DOK6: variants seen among roughly 807,000 people sequenced by gnomAD.
The protein encoded by DOK6 is docking protein 6.
Under a neutral mutation model 44.0 loss-of-function variants are expected in DOK6, and 22 were observed. The ratio of observed to expected loss-of-function variants is 0.50; its 90% CI spans 0.36 to 0.71. The LOEUF (loss-of-function observed/expected upper bound fraction) is 0.71. DOK6 is among the 30% of genes least tolerant of loss of function. The probability of loss-of-function intolerance (pLI) is 0.00; values close to 1 mark genes in which losing one functional copy is unlikely to be tolerated. For missense variants in DOK6, 340 were observed against 416.4 expected, an observed-to-expected ratio of 0.82 and a Z score of 1.60; for synonymous variants, 166 against 145.5, an observed-to-expected ratio of 1.14 and a Z score of -1.01.
chr18:69,404,323 C>G (rs191570810), intron 1 of DOK6, among the ~76,000 whole-genome samples: 97 of 152,274 alleles, frequency 6.4e-4, no homozygotes, highest in African/African-American at 2.3e-3. Context: ...AGCTAGCAAC[C>G]TGTTGAGTAC....
intron 3 of DOK6, among the ~76,000 whole-genome samples, chr18:69,672,516 G>T (rs1568329324): frequency 6.6e-6 from 1 of 152,136 alleles, no homozygotes; most frequent in South Asian, 2.1e-4. Flanking sequence ...GCAGCACCGC[G>T]CCCGGCTAAT....
chr18:69,816,404 C>T (rs1344331317), intron 7 of DOK6, among the ~76,000 whole-genome samples: 1 of 152,196 alleles, frequency 6.6e-6, no homozygotes, highest in Non-Finnish European at 1.5e-5. Flanking sequence ...GACCACACAT[C>T]TCATTATACA....
intron 7 of DOK6, among the ~76,000 whole-genome samples, chr18:69,775,624 GAA>G (rs1164854768): frequency 6.7e-6 from 1 of 149,238 alleles, no homozygotes; most frequent in Non-Finnish European, 1.5e-5. Flanking sequence ...AATATAGAAA[GAA>G]AAAAGAGTAA....
At chr18:69,519,166 C>A (rs1383083459) in intron 1 of DOK6, among the ~76,000 whole-genome samples, 1 of 151,962 alleles carries the variant, frequency 6.6e-6, no homozygotes, top group Non-Finnish European at 1.5e-5. Context: ...TTGTATTGAG[C>A]ACCAGAGACA....
chr18:69,406,271 C>G (rs534865023), intron 1 of DOK6, among the ~76,000 whole-genome samples: 188 of 152,290 alleles, frequency 1.2e-3, no homozygotes, highest in African/African-American at 4.1e-3. Flanking sequence ...TGTATGACAT[C>G]TGATGTATGC....
intron 1 of DOK6, among the ~76,000 whole-genome samples, chr18:69,408,273 A>G (rs1224233787): frequency 6.6e-6 from 1 of 152,220 alleles, no homozygotes; most frequent in African/African-American, 2.4e-5. Context: ...ACAATCATTC[A>G]CTGTACTCAA....
intron 3 of DOK6, among the ~76,000 whole-genome samples, chr18:69,616,548 T>C (rs962187108): frequency 6.6e-6 from 1 of 150,720 alleles, no homozygotes; most frequent in Admixed American, 6.6e-5. Flanking sequence ...AAAGCAACTT[T>C]AGAACTAACT....
intron 2 of DOK6, among the ~76,000 whole-genome samples, chr18:69,574,690 T>A (rs1311691702): frequency 6.6e-6 from 1 of 152,026 alleles, no homozygotes; most frequent in African/African-American, 2.4e-5. Flanking sequence ...CATGGGGCAA[T>A]AATTGGGTAT....
chr18:69,607,795 A>G (rs8099302), intron 3 of DOK6, among the ~76,000 whole-genome samples: 143,207 of 152,216 alleles, frequency 0.94, 67,980 homozygotes, highest in Non-Finnish European at 1. Context: ...CAACTGATAC[A>G]TCTGAGCCTA....
chr18:69,584,971 G>T (rs1454664862), intron 2 of DOK6, among the ~76,000 whole-genome samples: 1 of 151,416 alleles, frequency 6.6e-6, no homozygotes, highest in African/African-American at 2.4e-5. Flanking sequence ...TAGCTTGCCA[G>T]AGGTCTCTTA....
chr18:69,715,073 A>G (rs549579854), intron 5 of DOK6, among the ~76,000 whole-genome samples: 1 of 152,346 alleles, frequency 6.6e-6, no homozygotes, highest in East Asian at 1.9e-4. Context: ...ATTACGTTAT[A>G]CATGTCTCCC....
intron 1 of DOK6, among the ~76,000 whole-genome samples, chr18:69,553,824 A>G (rs570875341): frequency 4.6e-5 from 7 of 152,194 alleles, no homozygotes; most frequent in Non-Finnish European, 1.0e-4. Context: ...AGCACCTTAG[A>G]TGTCAGTACT....
intron 5 of DOK6, among the ~76,000 whole-genome samples, chr18:69,731,521 G>T (rs184784224): frequency 1.3e-5 from 2 of 151,998 alleles, no homozygotes; most frequent in Admixed American, 1.3e-4. Context: ...ATGATACTTC[G>T]TCTTTTTTCT....
At chr18:69,606,522 T>C (rs116460755) in intron 3 of DOK6, among the ~76,000 whole-genome samples, 127 of 152,090 alleles carry the variant, frequency 8.4e-4, no homozygotes, top group African/African-American at 2.8e-3. Context: ...TTGCCACTTC[T>C]ATTGAACATA....
intron 7 of DOK6, among the ~76,000 whole-genome samples, chr18:69,808,064 A>G (rs763117945): frequency 2.1e-4 from 32 of 152,026 alleles, no homozygotes; most frequent in Admixed American, 1.2e-3. Flanking sequence ...GTCTGAACAA[A>G]TTTAAGAGGA....
intron 2 of DOK6, among the ~76,000 whole-genome samples, chr18:69,585,454 T>C (rs1303106250): frequency 1.3e-5 from 2 of 152,242 alleles, no homozygotes; most frequent in Non-Finnish European, 2.9e-5. Flanking sequence ...CTATTTTGTT[T>C]GCTGTTGATA....
intron 1 of DOK6, among the ~76,000 whole-genome samples, chr18:69,518,442 G>A (rs921127884): frequency 5.9e-5 from 9 of 151,696 alleles, no homozygotes; most frequent in African/African-American, 2.2e-4. Flanking sequence ...CCCTTCTTAT[G>A]GTCAGTTATA....
intron 1 of DOK6, among the ~76,000 whole-genome samples, chr18:69,438,634 A>T (rs1979050791): frequency 6.6e-6 from 1 of 152,330 alleles, no homozygotes; most frequent in Admixed American, 6.5e-5. Flanking sequence ...TTTTCAACTT[A>T]CTTTACCCAA....
At chr18:69,404,786 GGTGTGTGTGTGT>G (rs59807127) in intron 1 of DOK6, among the ~76,000 whole-genome samples, 35 of 149,944 alleles carry the variant, frequency 2.3e-4, no homozygotes, top group African/African-American at 5.9e-4. Flanking sequence ...AGGATAGGGT[GGTGTGTGTGTGT>G]GTGTGTGTGT....
Sources: allele counts gnomAD v4.1 joint callset (sites outside exome capture counted in the v4.1 genomes callset), GRCh38; gene constraint gnomAD v4.1.1; transcripts MANE v1.5; gene names NCBI Gene and HGNC (gene_info 2026-07-23, HGNC 2026-07-21).